Variants in CFTR observed in about 807,000 individuals in gnomAD.
The protein encoded by CFTR is cystic fibrosis transmembrane conductance regulator.
Under a neutral mutation model 171.6 loss-of-function variants are expected in CFTR, and 181 were observed. That is an observed-to-expected ratio of 1.05 (90% CI 0.93 to 1.19). The LOEUF (loss-of-function observed/expected upper bound fraction) is 1.19, where lower values mean the gene tolerates loss of function less well. CFTR is among the 50% of genes most tolerant of loss of function. CFTR has a pLI of 0.00. For synonymous variants in CFTR, 583 were observed against 608.0 expected, an observed-to-expected ratio of 0.96 and a Z score of 0.60; for missense variants, 1,968 against 1,734.7, an observed-to-expected ratio of 1.13 and a Z score of -2.39.
intron 12 of CFTR, among the ~76,000 whole-genome samples, chr7:117,588,688 T>C (rs1485185319): frequency 6.6e-6 from 1 of 152,162 alleles, no homozygotes; most frequent in Non-Finnish European, 1.5e-5. Flanking sequence ...TGTACTTTTG[T>C]GTGTATGTAA....
At chr7:117,550,370 A>G (rs1799248147) in intron 10 of CFTR, among the ~76,000 whole-genome samples, 1 of 152,096 alleles carries the variant, frequency 6.6e-6, no homozygotes. Context: ...TAATAATACA[A>G]TTTGGTTGTT....
chr7:117,500,969 C>T (rs1165524864), intron 1 of CFTR, among the ~76,000 whole-genome samples: 2 of 152,136 alleles, frequency 1.3e-5, no homozygotes, highest in Non-Finnish European at 2.9e-5. Flanking sequence ...AATTGTGTTA[C>T]TTTGAACTGA....
At chr7:117,500,373 G>A (rs1242655478) in intron 1 of CFTR, among the ~76,000 whole-genome samples, 2 of 136,414 alleles carry the variant, frequency 1.5e-5, no homozygotes, top group African/African-American at 2.7e-5. Flanking sequence ...TGCAACCTCC[G>A]CCTCCCAGGT....
Position 117,646,411 on chromosome 7 carries a change from G to A in CFTR, c.3873+3818G>A, listed in dbSNP as rs548547988. Reference sequence around the variant, plus strand: ...CATAAAGCTTGTAGATTTTAGAAATGTGGGGGCATGAGGATGTGGAGAGGG... The same window carrying A: ...CATAAAGCTTGTAGATTTTAGAAATATGGGGGCATGAGGATGTGGAGAGGG... On this transcript the variant is annotated intron_variant, in intron 23 of 26. Coordinates refer to ENST00000003084, the MANE Select transcript of CFTR (RefSeq NM_000492.4). 1.1e-4 allele frequency among the ~76,000 whole-genome samples: 17 copies of A among 152,278 alleles called. No homozygotes were observed. In the South Asian group the frequency reaches 3.3e-3, roughly 30 times the overall value.
intron 15 of CFTR, among the ~76,000 whole-genome samples, chr7:117,597,668 A>G (rs1289752180): frequency 2.0e-5 from 3 of 152,198 alleles, no homozygotes; most frequent in Non-Finnish European, 2.9e-5. Context: ...ATGAGATTAA[A>G]AGTATATATT....
At chr7:117,648,081 A>ATATG (rs991499543) in intron 23 of CFTR, among the ~76,000 whole-genome samples, 39 of 147,032 alleles carry the variant, frequency 2.7e-4, no homozygotes, top group African/African-American at 8.7e-4. Context: ...ATATATATAT[A>ATATG]TGTATTTATA....
In CFTR at chr7:117,603,716, T is replaced by G; in HGVS notation, c.2842T>G (p.Leu948Val). 3 of 1,614,078 alleles carry G rather than the reference T, an allele frequency of 1.9e-6. No individual in the cohort carries two copies. Among genetic ancestry groups the G allele is most frequent in the Non-Finnish European group, 2.5e-6 (3 of 1,179,972 alleles). ...VHTLITVSKI[L>V]HHKMLHSVLQ... ...TACTCTAATCACAGTGTCGAAAATT[T>G]TACACCACAAAATGTTACATTCTGT... is the stretch of plus-strand genomic sequence containing the variant. The change falls in exon 17 of 27, where the codon TTA becomes GTA. Residue 948 changes from leucine to valine, a missense_variant. Physicochemically the swap from Leu to Val is conservative, Grantham distance 32. Transcript: ENST00000003084.
At chr7:117,623,161 A>G (rs1228719108) in intron 21 of CFTR, among the ~76,000 whole-genome samples, 1 of 152,232 alleles carries the variant, frequency 6.6e-6, no homozygotes, top group East Asian at 1.9e-4. Flanking sequence ...TGCACAACTT[A>G]TGTCAAGTAT....
intron 3 of CFTR, among the ~76,000 whole-genome samples, chr7:117,509,743 G>T (rs1489419162): frequency 6.6e-6 from 1 of 152,140 alleles, no homozygotes; most frequent in Non-Finnish European, 1.5e-5. Context: ...TAAGTGCCTT[G>T]TATGTTCCCC....
In CFTR at chr7:117,553,889, C is replaced by A. The variant is rs1016628118; in HGVS notation, c.1392+5066C>A. Reference sequence around the variant, plus strand: ...AATGCAGACTCTGGGAAGAGTCTTCCAAGTAGCAGGTGAAGCAAGTGCAAA... The same window carrying A: ...AATGCAGACTCTGGGAAGAGTCTTCAAAGTAGCAGGTGAAGCAAGTGCAAA... On this transcript the variant is annotated intron_variant, in intron 10 of 26. Coordinates refer to ENST00000003084, the MANE Select transcript of CFTR (RefSeq NM_000492.4). Among the ~76,000 whole-genome samples the A allele has an allele frequency of 4.6e-5, 7 of 152,096 alleles. No individual in the cohort carries two copies. In the South Asian group the frequency reaches 6.2e-4, roughly 13 times the overall value.
intron 11 of CFTR, among the ~76,000 whole-genome samples, chr7:117,561,092 T>C (rs1176923435): frequency 6.6e-6 from 1 of 152,110 alleles, no homozygotes; most frequent in East Asian, 1.9e-4. Context: ...AGTAATAAAT[T>C]TAGTACTGTG....
chr7:117,506,790 G>T (rs35173620), intron 2 of CFTR, among the ~76,000 whole-genome samples: 11,942 of 152,022 alleles, frequency 0.079, 1,584 homozygotes, highest in African/African-American at 0.27. Context: ...AAACCCATAC[G>T]TTCTATTATT....
intron 3 of CFTR, among the ~76,000 whole-genome samples, chr7:117,524,224 C>T (rs1384096331): frequency 6.6e-6 from 1 of 152,072 alleles, no homozygotes; most frequent in African/African-American, 2.4e-5. Flanking sequence ...TACTGTCTTA[C>T]AGTGAACAAG....
rs1793384443 is a variant in CFTR at position 117,666,902 on chromosome 7, C to G, written c.4243-6C>G. The G allele has an allele frequency of 3.7e-6, 6 of 1,613,806 alleles. No homozygotes were observed. Among genetic ancestry groups the G allele is most frequent in the Non-Finnish European group, 4.2e-6 (5 of 1,179,798 alleles). ...TCCCAGATCTCACTAACAGCCATTT[C>G]CCTAGGTCATAGAAGAGAACAAAGT... On this transcript the variant is annotated splice_polypyrimidine_tract_variant and splice_region_variant and intron_variant, in intron 26 of 26. Coordinates refer to ENST00000003084, the MANE Select transcript of CFTR (RefSeq NM_000492.4).
chr7:117,503,238 C>T (rs753082866), intron 1 of CFTR, among the ~76,000 whole-genome samples: 2 of 152,152 alleles, frequency 1.3e-5, no homozygotes, highest in African/African-American at 2.4e-5. Context: ...TGATACATTA[C>T]CAAATAAGGT....
At chr7:117,499,429 C>CTGTGTG (rs56985019) in intron 1 of CFTR, among the ~76,000 whole-genome samples, 22,141 of 135,762 alleles carry the variant, frequency 0.16, 2,022 homozygotes, top group East Asian at 0.37. Context: ...ATAGTTTCAT[C>CTGTGTG]TGTGTGTGTG....
At chr7:117,528,130 G>T (rs1248606589) in intron 3 of CFTR, among the ~76,000 whole-genome samples, 2 of 131,982 alleles carry the variant, frequency 1.5e-5, no homozygotes, top group Non-Finnish European at 1.6e-5. Context: ...CAAGGCTACA[G>T]TAACCAAAAC....
intron 21 of CFTR, among the ~76,000 whole-genome samples, chr7:117,624,571 G>A (rs1379328199): frequency 6.6e-6 from 1 of 152,130 alleles, no homozygotes; most frequent in African/African-American, 2.4e-5. Flanking sequence ...TTGAGGCACG[G>A]GCCTCCTTTG....
intron 19 of CFTR, 146 bp from the exon 20 acceptor site, chr7:117,611,435 A>G (rs1792383060): frequency 3.1e-6 from 2 of 650,580 alleles, no homozygotes; most frequent in Non-Finnish European, 2.8e-6. Flanking sequence ...TATTCAAAGA[A>G]TGGCACCAGT....
Sources: gnomAD v4.1 joint callset for allele counts (sites outside exome capture counted in the v4.1 genomes callset) on GRCh38, gnomAD v4.1.1 for gene constraint, MANE v1.5 for transcripts, NCBI Gene and HGNC (gene_info 2026-07-23, HGNC 2026-07-21) for gene names.